NIPA2: variants seen among roughly 807,000 people sequenced by gnomAD.
NIPA2 encodes NIPA magnesium transporter 2.
Under a neutral mutation model 29.7 loss-of-function variants are expected in NIPA2, and 11 were observed. The ratio of observed to expected loss-of-function variants is 0.37; its 90% CI spans 0.23 to 0.61. NIPA2 has a LOEUF of 0.61. NIPA2 is among the 20% of genes least tolerant of loss of function. The pLI, the probability that NIPA2 is intolerant of heterozygous loss-of-function variation, is 0.66. For synonymous variants in NIPA2, 183 were observed against 161.9 expected (o/e 1.13, Z -0.99); for missense variants, 426 against 437.9 (o/e 0.97, Z 0.24).
At position 22,866,222 on chromosome 15, in the gene NIPA2, T is replaced by A; in HGVS notation, c.458T>A (p.Val153Asp). The change falls in exon 8 of 8, where the codon GTC becomes GAC. Residue 153 changes from valine to aspartate, a missense_variant. By Grantham distance (152) the Val-to-Asp change is radical. This residue lies in a region of NIPA2 where 357 missense variants were observed against 339.8 expected (regional missense o/e 1.05). Coordinates refer to ENST00000337451, the MANE Select transcript of NIPA2 (RefSeq NM_030922.7). ...TCTTTGCCTCCTCCAGGTTTTGTGG[T>A]CTTTGCAACCCTTGTGGTCATTGTG... ...SHKLGDPGFVVFATLVVIVAL... is the reference protein window; with the variant it reads ...SHKLGDPGFVDFATLVVIVAL... 1 of 1,608,964 alleles carries A rather than the reference T, an allele frequency of 6.2e-7. No homozygotes were observed. The highest frequency in any genetic ancestry group is 1.1e-5 in the South Asian group (1 of 90,816).
chr15:22,858,055 G>A (rs1432956222), intron 5 of NIPA2, among the ~76,000 whole-genome samples: 1 of 151,934 alleles, frequency 6.6e-6, no homozygotes, highest in Non-Finnish European at 1.5e-5. Context: ...TAATTGACTT[G>A]GACTCTTACT....
intron 4 of NIPA2, among the ~76,000 whole-genome samples, chr15:22,852,390 C>T (rs544939318): frequency 4.0e-5 from 6 of 150,166 alleles, no homozygotes; most frequent in South Asian, 2.1e-4. Context: ...CGCTTGAACC[C>T]GGGAGGCAGA....
At position 22,858,577 on chromosome 15, in the gene NIPA2, G is replaced by C. The variant is rs146520013; in HGVS notation, c.234G>C (p.Ala78=). Residue 78 remains alanine (A), a synonymous_variant, in exon 6 of 8, where the codon GCG becomes GCC. Coordinates refer to ENST00000337451, the MANE Select transcript of NIPA2 (RefSeq NM_030922.7). ...AGEVANFAAY[A]FAPATLVTPL... Reference sequence around the variant, plus strand: ...AGGTGGCCAACTTCGCTGCGTATGCGTTTGCACCAGCCACTCTAGTGACTC... The same window carrying C: ...AGGTGGCCAACTTCGCTGCGTATGCCTTTGCACCAGCCACTCTAGTGACTC... The C allele has an allele frequency of 1.9e-6, 3 of 1,604,086 alleles. No individual in the cohort carries two copies. The highest frequency in any genetic ancestry group is 1.7e-6 in the Non-Finnish European group (2 of 1,174,548).
Position 22,867,687 on chromosome 15 carries a change from A to AGAAG in NIPA2, c.*840_*841insGAAG, listed in dbSNP as rs35420735. The AGAAG allele has an allele frequency of 1.3e-5, 2 of 152,468 alleles. No individual in the cohort carries two copies. Among genetic ancestry groups the AGAAG allele is most frequent in the Admixed American group, 6.5e-5 (1 of 15,268 alleles). 9.4% of individuals were successfully genotyped at this position (152,468 alleles called of 1,614,324 possible). A position where few individuals can be genotyped will look rare whatever the true frequency, so the allele number is the denominator to read the frequency against. ...ATAGAAGACTAGGGTTGTTTCTTAA[A>AGAAG]TTTAGCTCATGTTATAATAAAAAGT... On this transcript the variant is annotated 3_prime_UTR_variant, in exon 8 of 8. Coordinates refer to ENST00000337451, the MANE Select transcript of NIPA2 (RefSeq NM_030922.7).
intron 3 of NIPA2, among the ~76,000 whole-genome samples, chr15:22,846,369 A>G (rs187804821): frequency 3.5e-4 from 52 of 149,880 alleles, no homozygotes; most frequent in African/African-American, 1.2e-3. Flanking sequence ...GGTTTTTACC[A>G]GATGTCAAGG....
intron 5 of NIPA2, among the ~76,000 whole-genome samples, 188 bp from the exon 6 acceptor site, chr15:22,858,352 C>G (rs1042629132): frequency 1.3e-5 from 2 of 152,172 alleles, no homozygotes; most frequent in Non-Finnish European, 2.9e-5. Flanking sequence ...TGAGATCACA[C>G]CACTGCACTG....
chr15:22,849,003 C>G (rs1595306840), intron 3 of NIPA2, among the ~76,000 whole-genome samples: 1 of 152,156 alleles, frequency 6.6e-6, no homozygotes, highest in Non-Finnish European at 1.5e-5. Context: ...CTGATAAACA[C>G]AGATCAACAA....
At position 22,860,741 on chromosome 15, in the gene NIPA2, G is replaced by A. The variant is rs2058560581; in HGVS notation, c.400G>A (p.Glu134Lys). Residue 134 changes from glutamate to lysine, a missense_variant, in exon 7 of 8, where the codon GAG (glutamate) becomes AAG (lysine). By Grantham distance (56) the Glu-to-Lys change is moderately conservative. Around this residue, in one of 3 missense-constraint regions of NIPA2, gnomAD observed 357 missense variants for 339.8 expected, o/e 1.05. Coordinates refer to ENST00000337451, the MANE Select transcript of NIPA2 (RefSeq NM_030922.7). Reference sequence around the variant, plus strand: ...TATGGTCATTCATGCTCCAAAGGAAGAGGAGATTGAGACTTTAAATGAAAT... The same window carrying A: ...TATGGTCATTCATGCTCCAAAGGAAAAGGAGATTGAGACTTTAAATGAAAT... ...TVMVIHAPKE[E>K]EIETLNEMSH... 3 of 1,601,648 alleles carry A rather than the reference G, an allele frequency of 1.9e-6. No homozygotes were observed. Among genetic ancestry groups the A allele is most frequent in the African/African-American group, 1.3e-5 (1 of 74,418 alleles).
Position 22,866,840 on chromosome 15 carries a change from CTTTTTAAGAAAGGTGT to C in NIPA2, c.1077_*9del, listed in dbSNP as rs752772940. On this transcript the variant is annotated stop_lost and 3_prime_UTR_variant, in exon 8 of 8. Coordinates refer to ENST00000337451, the MANE Select transcript of NIPA2 (RefSeq NM_030922.7). ...TCCCGAAGAAATGGAAATCTGACAG[CTTTTTAAGAAAGGTGT>C]AATTAAAGGTTAATCTGTGATTGTT... 27 of 1,581,390 alleles carry C rather than the reference CTTTTTAAGAAAGGTGT, an allele frequency of 1.7e-5. No homozygotes were observed. The Admixed American group carries it at 4.3e-4, about 25-fold the overall frequency.
rs190092288 is a variant in NIPA2, at chr15:22,844,270, G to A, written c.-215-876G>A. ...ATTAGTAAAATCAATTGTGAAAATT[G>A]AACTTGTTGGCCGGGAGTGGTGGTT... On this transcript the variant is annotated intron_variant, in intron 2 of 7. Transcript: ENST00000337451. 3.8e-3 allele frequency among the ~76,000 whole-genome samples: 580 copies of A among 152,178 alleles called. 7 individuals carry two copies. The highest frequency in any genetic ancestry group is 0.013 in the African/African-American group (537 of 41,526).
At chr15:22,852,552 A>C (rs1015961642) in intron 4 of NIPA2, among the ~76,000 whole-genome samples, 3 of 147,570 alleles carry the variant, frequency 2.0e-5, no homozygotes, top group African/African-American at 7.4e-5. Flanking sequence ...TCTGACTTTG[A>C]ACTTCGACAT....
chr15:22,842,304 C>CA (rs1897296291), intron 2 of NIPA2, among the ~76,000 whole-genome samples: 1 of 152,124 alleles, frequency 6.6e-6, no homozygotes, highest in Admixed American at 6.5e-5. Context: ...TAGTGTCAAC[C>CA]AAATATGGAG....
In NIPA2 at chr15:22,866,408, A is replaced by G. The variant is rs2059079812; in HGVS notation, c.644A>G (p.His215Arg). The change falls in exon 8 of 8, where the codon CAT (histidine) becomes CGT (arginine). Residue 215 changes from histidine (H) to arginine (R), a missense_variant. His to Arg is a conservative substitution (Grantham distance 29). This residue lies in a region of NIPA2 where 357 missense variants were observed against 339.8 expected (regional missense o/e 1.05). Coordinates refer to ENST00000337451, the MANE Select transcript of NIPA2 (RefSeq NM_030922.7). ...TTTGCAGGGAAGCCTGTGCTGCGGC[A>G]TCCCCTGGCTTGGATTCTGCTGCTG... Reference protein sequence around the residue: ...ELFAGKPVLRHPLAWILLLSL... With the variant: ...ELFAGKPVLRRPLAWILLLSL... 1 of 1,614,032 alleles carries G rather than the reference A, an allele frequency of 6.2e-7. No homozygotes were observed. Among genetic ancestry groups the G allele is most frequent in the African/African-American group, 1.3e-5 (1 of 75,026 alleles).
Position 22,853,297 on chromosome 15 carries a change from TATG to T in NIPA2, c.196+32_196+34del, listed in dbSNP as rs755663005. On this transcript the variant is annotated intron_variant, in intron 5 of 7. Transcript: ENST00000337451. ...TGTATAAAGAACATTGCAAGAAAAA[TATG>T]ATAGCTATATATTAAAATATTTGCA... The T allele has an allele frequency of 7.1e-6, 10 of 1,399,240 alleles. No homozygotes were observed. The South Asian group carries it at 9.5e-5, about 13-fold the overall frequency. The allele number at this position is 1,399,240 out of a possible 1,614,324, so 86.7% of individuals were successfully genotyped here. A position where few individuals can be genotyped will look rare whatever the true frequency, so the allele number is the denominator to read the frequency against.
At chr15:22,854,607 G>A (rs2058046966) in intron 5 of NIPA2, among the ~76,000 whole-genome samples, 1 of 151,920 alleles carries the variant, frequency 6.6e-6, no homozygotes, top group African/African-American at 2.4e-5. Context: ...TTAGCCGGGC[G>A]TGGTGGCAGG....
At chr15:22,859,106 G>A (rs58978808) in intron 6 of NIPA2, among the ~76,000 whole-genome samples, 20,716 of 151,926 alleles carry the variant, frequency 0.14, 2,282 homozygotes, top group East Asian at 0.39. Flanking sequence ...CGCAGGAAGA[G>A]GAGGTTGCAA....
intron 7 of NIPA2, among the ~76,000 whole-genome samples, chr15:22,863,159 C>T (rs1222711905): frequency 6.6e-6 from 1 of 151,396 alleles, no homozygotes; most frequent in Non-Finnish European, 1.5e-5. Flanking sequence ...GCTCATTGCT[C>T]CCTCTGCCTC....
At chr15:22,844,103 G>T (rs1488635746) in intron 2 of NIPA2, among the ~76,000 whole-genome samples, 1 of 152,174 alleles carries the variant, frequency 6.6e-6, no homozygotes, top group African/African-American at 2.4e-5. Flanking sequence ...TAGAATACTA[G>T]TCCATTTTTG....
At chr15:22,843,298 A>T (rs1897638171) in intron 2 of NIPA2, among the ~76,000 whole-genome samples, 1 of 151,946 alleles carries the variant, frequency 6.6e-6, no homozygotes, top group African/African-American at 2.4e-5. Context: ...AGGTCAGGAG[A>T]TCGAGACCAT....
Sources: gnomAD v4.1 joint callset for allele counts (sites outside exome capture counted in the v4.1 genomes callset) on GRCh38, gnomAD v4.1.1 for gene constraint, gnomAD v4.1.1 regional missense constraint, MANE v1.5 for transcripts, NCBI Gene and HGNC (gene_info 2026-07-23, HGNC 2026-07-21) for gene names.